Variants in TMTC2 observed in about 807,000 individuals in gnomAD.
The protein encoded by TMTC2 is transmembrane O-mannosyltransferase targeting cadherins 2, also known as protein O-mannosyl-transferase TMTC2.
Under a neutral mutation model 82.4 loss-of-function variants are expected in TMTC2, and 43 were observed. That is an observed-to-expected ratio of 0.52 (90% CI 0.41 to 0.67). The LOEUF is 0.67. Among genes scored for constraint, TMTC2 ranks in the 30% least tolerant of loss-of-function variants. The probability of loss-of-function intolerance (pLI) is 0.00; values close to 1 mark genes in which losing one functional copy is unlikely to be tolerated. For missense variants in TMTC2, 919 were observed against 1,012.4 expected (o/e 0.91, Z 1.25); for synonymous variants, 408 against 381.9 (o/e 1.07, Z -0.80).
chr12:82,962,810 G>T (rs1287046373), intron 4 of TMTC2, among the ~76,000 whole-genome samples: 1 of 151,950 alleles, frequency 6.6e-6, no homozygotes, highest in African/African-American at 2.4e-5. Context: ...TATCCACAGA[G>T]ACTGTATTTA....
intron 3 of TMTC2, among the ~76,000 whole-genome samples, chr12:82,920,787 GCTTA>G (rs1291151089): frequency 2.0e-5 from 3 of 152,044 alleles, no homozygotes; most frequent in Non-Finnish European, 4.4e-5. Flanking sequence ...GATTGAAGTT[GCTTA>G]CTTATTAAAC....
intron 1 of TMTC2, among the ~76,000 whole-genome samples, chr12:82,856,456 G>C (rs1871262844): frequency 6.6e-6 from 1 of 152,192 alleles, no homozygotes; most frequent in African/African-American, 2.4e-5. Flanking sequence ...TCACCTGAGA[G>C]CTACTGGAAT....
At chr12:82,777,139 T>C (rs1877640296) in intron 1 of TMTC2, among the ~76,000 whole-genome samples, 1 of 152,150 alleles carries the variant, frequency 6.6e-6, no homozygotes, top group African/African-American at 2.4e-5. Context: ...CCCTTGAATT[T>C]GCTATGTTAG....
chr12:82,918,689 TTTTTA>T (rs1253573828), intron 3 of TMTC2, among the ~76,000 whole-genome samples: 3 of 151,770 alleles, frequency 2.0e-5, no homozygotes, highest in East Asian at 1.9e-4. Flanking sequence ...TTCATTTATC[TTTTTA>T]TTTTATCTTT....
intron 11 of TMTC2, among the ~76,000 whole-genome samples, chr12:83,104,897 C>A (rs1437303924): frequency 6.6e-6 from 1 of 152,218 alleles, no homozygotes; most frequent in Non-Finnish European, 1.5e-5. Context: ...TTAAATGTAA[C>A]TTCCAACTTT....
chr12:82,688,472 C>T (rs1224500268), intron 1 of TMTC2, among the ~76,000 whole-genome samples: 3 of 152,194 alleles, frequency 2.0e-5, no homozygotes, highest in African/African-American at 7.2e-5. Context: ...TGGAAAATGT[C>T]ACCGTTGTGT....
intron 1 of TMTC2, among the ~76,000 whole-genome samples, chr12:82,707,867 T>G (rs924337066): frequency 2.0e-5 from 3 of 152,376 alleles, no homozygotes; most frequent in East Asian, 3.9e-4. Context: ...ATAAGTAGTA[T>G]TCTTGGTTTC....
intron 9 of TMTC2, among the ~76,000 whole-genome samples, chr12:83,031,938 C>T (rs1881446014): frequency 6.6e-6 from 1 of 152,128 alleles, no homozygotes; most frequent in African/African-American, 2.4e-5. Flanking sequence ...TTTTGTTTCA[C>T]AATGCAGCTG....
rs140437146 is a variant in TMTC2, at chr12:82,875,385, T to TATATATATATATA, written c.654+17807_654+17808insATATATATATAAT. Among the ~76,000 whole-genome samples the TATATATATATATA allele has an allele frequency of 5.7e-3, 871 of 151,914 alleles. 11 individuals are homozygous for TATATATATATATA. Among genetic ancestry groups the TATATATATATATA allele is most frequent in the African/African-American group, 0.02 (827 of 41,196 alleles). On this transcript the variant is annotated intron_variant, in intron 2 of 11. Coordinates refer to ENST00000321196, the MANE Select transcript of TMTC2 (RefSeq NM_152588.3). ...AATCATATATGTGTGTATATATATA[T>TATATATATATATA]ATGTTTTACAGCTGAGGAAGCAAAT... is the stretch of plus-strand genomic sequence containing the variant.
chr12:82,696,457 ATAAAAATCTTT>A (rs1480446692), intron 1 of TMTC2, among the ~76,000 whole-genome samples: 1 of 152,252 alleles, frequency 6.6e-6, no homozygotes, highest in East Asian at 1.9e-4. Context: ...TTGAGATTTA[ATAAAAATCTTT>A]TAAAGATACC....
intron 2 of TMTC2, among the ~76,000 whole-genome samples, chr12:82,870,807 G>C (rs1872135300): frequency 6.6e-6 from 1 of 152,162 alleles, no homozygotes; most frequent in Non-Finnish European, 1.5e-5. Context: ...ATATTTCAGA[G>C]GTAAAATAGC....
At chr12:82,990,310 G>A (rs556323957) in intron 8 of TMTC2, among the ~76,000 whole-genome samples, 2 of 152,172 alleles carry the variant, frequency 1.3e-5, no homozygotes, top group African/African-American at 4.8e-5. Context: ...TTGATTATTA[G>A]TACTTTTATT....
Position 83,030,760 on chromosome 12 carries a change from A to G in TMTC2, c.2071-38A>G, listed in dbSNP as rs776162909. The G allele has an allele frequency of 3.4e-6, 5 of 1,492,096 alleles. No individual in the cohort carries two copies. The African/African-American group carries it at 6.9e-5, about 21-fold the overall frequency. The allele number at this position is 1,492,096 out of a possible 1,614,324, so 92.4% of individuals were successfully genotyped here. A position where few individuals can be genotyped will look rare whatever the true frequency, so the allele number is the denominator to read the frequency against. ...CCCAGGCAGTGAAGAATCCCTCATG[A>G]TCTGTTCCTGAATCATCCATTTTCT... is the stretch of plus-strand genomic sequence containing the variant. On this transcript the variant is annotated intron_variant, in intron 8 of 11. Coordinates refer to ENST00000321196, the MANE Select transcript of TMTC2 (RefSeq NM_152588.3).
At chr12:83,126,057 T>A (rs945520204) in intron 11 of TMTC2, among the ~76,000 whole-genome samples, 9 of 152,132 alleles carry the variant, frequency 5.9e-5, no homozygotes, top group African/African-American at 2.2e-4. Context: ...TCAGTGTAAT[T>A]AATGTGAAGG....
intron 10 of TMTC2, among the ~76,000 whole-genome samples, chr12:83,052,080 T>C (rs1882369723): frequency 6.6e-6 from 1 of 152,126 alleles, no homozygotes. Flanking sequence ...AAATGACTTC[T>C]ATACTGTCAT....
intron 1 of TMTC2, among the ~76,000 whole-genome samples, chr12:82,808,949 A>G (rs1017895106): frequency 1.3e-5 from 2 of 151,484 alleles, no homozygotes; most frequent in Non-Finnish European, 2.9e-5. Context: ...TCCACTTGGT[A>G]TGGAAAAGAT....
intron 8 of TMTC2, among the ~76,000 whole-genome samples, chr12:82,998,335 G>C (rs1015952960): frequency 6.6e-6 from 1 of 152,086 alleles, no homozygotes; most frequent in African/African-American, 2.4e-5. Flanking sequence ...CGAGGCTAGA[G>C]CTATGCAGAA....
chr12:82,998,497 A>T (rs952147810), intron 8 of TMTC2, among the ~76,000 whole-genome samples: 2 of 152,230 alleles, frequency 1.3e-5, no homozygotes, highest in African/African-American at 4.8e-5. Context: ...ACCAGTCATA[A>T]GTTTGAAAGA....
At chr12:83,039,965 A>ATTT (rs1881825889) in intron 9 of TMTC2, among the ~76,000 whole-genome samples, 1 of 152,226 alleles carries the variant, frequency 6.6e-6, no homozygotes, top group Non-Finnish European at 1.5e-5. Context: ...CAGAAAATAA[A>ATTT]GAGCTTGGCA....
Sources: gnomAD v4.1 joint callset for allele counts (sites outside exome capture counted in the v4.1 genomes callset) on GRCh38, gnomAD v4.1.1 for gene constraint, MANE v1.5 for transcripts, NCBI Gene and HGNC (gene_info 2026-07-23, HGNC 2026-07-21) for gene names.